PDE11A: variants seen among roughly 807,000 people sequenced by gnomAD.
PDE11A encodes phosphodiesterase 11A, also known as dual 3',5'-cyclic-AMP and -GMP phosphodiesterase 11A.
PDE11A carries 100 observed loss-of-function variants against 100.5 expected under a neutral mutation model. That is an observed-to-expected ratio of 1.00 (90% CI 0.85 to 1.18). The LOEUF is 1.18. Ranked by LOEUF, PDE11A falls within the 50% of genes most tolerant of loss-of-function variation. PDE11A has a pLI of 0.00. For missense variants in PDE11A, 1,141 were observed against 1,152.6 expected, an observed-to-expected ratio of 0.99 and a Z score of 0.15; for synonymous variants, 381 against 420.8, an observed-to-expected ratio of 0.91 and a Z score of 1.16.
chr2:177,673,543 G>A (rs79884217), intron 17 of PDE11A, among the ~76,000 whole-genome samples: 1 of 152,246 alleles, frequency 6.6e-6, no homozygotes, highest in East Asian at 1.9e-4. Context: ...GTTGGACTCT[G>A]TATTTTGGGT....
chr2:177,977,285 A>G (rs1434797565), intron 2 of PDE11A, among the ~76,000 whole-genome samples: 2 of 143,084 alleles, frequency 1.4e-5, no homozygotes, highest in African/African-American at 2.6e-5. Flanking sequence ...AAGCATTCTT[A>G]TACACCAACA....
intron 2 of PDE11A, among the ~76,000 whole-genome samples, chr2:177,967,077 C>T (rs2085707424): frequency 6.6e-6 from 1 of 151,776 alleles, no homozygotes; most frequent in Non-Finnish European, 1.5e-5. Flanking sequence ...TGGTTCATTC[C>T]TGTATGTTTC....
At chr2:177,991,468 T>C (rs2086003622) in intron 2 of PDE11A, among the ~76,000 whole-genome samples, 1 of 150,530 alleles carries the variant, frequency 6.6e-6, no homozygotes, top group African/African-American at 2.4e-5. Context: ...ACCCCATCTC[T>C]ACTAAAAATA....
At chr2:178,034,095 G>T (rs534110192) in intron 1 of PDE11A, among the ~76,000 whole-genome samples, 12 of 152,168 alleles carry the variant, frequency 7.9e-5, no homozygotes, top group African/African-American at 2.6e-4. Flanking sequence ...AAAAGACACA[G>T]ACTGGAAAAT....
chr2:177,800,234 A>T (rs372878603), intron 9 of PDE11A, among the ~76,000 whole-genome samples: 3,233 of 140,476 alleles, frequency 0.023, 129 homozygotes, highest in African/African-American at 0.083. Flanking sequence ...CTGTGGCATG[A>T]TCATAGCTCA....
chr2:177,866,350 G>A (rs897627044), intron 5 of PDE11A, among the ~76,000 whole-genome samples: 6 of 152,174 alleles, frequency 3.9e-5, no homozygotes, highest in African/African-American at 1.4e-4. Flanking sequence ...AATTCTGCTC[G>A]GGACTTCCCA....
chr2:177,636,101 A>G (rs1039522807), intron 19 of PDE11A, among the ~76,000 whole-genome samples: 1 of 152,156 alleles, frequency 6.6e-6, no homozygotes, highest in South Asian at 2.1e-4. Context: ...ATCAACAAAT[A>G]TAATTTTACT....
At chr2:177,695,685 T>C (rs2081100849) in intron 15 of PDE11A, among the ~76,000 whole-genome samples, 1 of 152,204 alleles carries the variant, frequency 6.6e-6, no homozygotes, top group East Asian at 1.9e-4. Context: ...GATACATTTC[T>C]GGCCTTCTAA....
intron 2 of PDE11A, chr2:177,922,680 C>G (rs2085070261): frequency 1.0e-6 from 1 of 984,856 alleles, no homozygotes; most frequent in African/African-American, 1.7e-5. Flanking sequence ...ACTTCCCACT[C>G]CCTCACCCCC....
chr2:177,654,239 G>A (rs1200361433), intron 19 of PDE11A, among the ~76,000 whole-genome samples: 1 of 152,240 alleles, frequency 6.6e-6, no homozygotes, highest in African/African-American at 2.4e-5. Context: ...TAATGTGAAA[G>A]TTGGATGCGG....
chr2:178,083,099 A>ATTTT (rs71870174), intron 2 of PDE11A, among the ~76,000 whole-genome samples: 7 of 138,776 alleles, frequency 5.0e-5, no homozygotes, highest in Non-Finnish European at 9.3e-5. Context: ...TAAAACTAAA[A>ATTTT]TTTTTTTTTT....
chr2:178,061,853 T>A (rs182410223), intron 1 of PDE11A, among the ~76,000 whole-genome samples: 2 of 152,320 alleles, frequency 1.3e-5, no homozygotes, highest in East Asian at 3.9e-4. Flanking sequence ...CAAAATTAGT[T>A]TTTTCTTCAA....
At chr2:177,945,230 C>T (rs1284236779) in intron 2 of PDE11A, among the ~76,000 whole-genome samples, 4 of 151,434 alleles carry the variant, frequency 2.6e-5, no homozygotes, top group Non-Finnish European at 5.9e-5. Context: ...GCAGCCTCTG[C>T]CCGGCCGCCA....
chr2:178,022,061 G>C (rs925718955), intron 1 of PDE11A, among the ~76,000 whole-genome samples: 1 of 152,106 alleles, frequency 6.6e-6, no homozygotes, highest in African/African-American at 2.4e-5. Context: ...TGATATGACT[G>C]AGTCTTCATT....
At chr2:177,868,161 T>C (rs548956699) in intron 5 of PDE11A, among the ~76,000 whole-genome samples, 180 of 152,292 alleles carry the variant, frequency 1.2e-3, no homozygotes, top group Non-Finnish European at 2.1e-3. Flanking sequence ...CAATAAGGCA[T>C]TGAAACAGAA....
chr2:177,648,215 C>T (rs16865509), intron 19 of PDE11A, among the ~76,000 whole-genome samples: 14,881 of 152,088 alleles, frequency 0.098, 912 homozygotes, highest in East Asian at 0.19. Context: ...ATTAGCTGGC[C>T]TTCTCTTTGT....
chr2:177,805,743 C>T (rs528429995), intron 9 of PDE11A, among the ~76,000 whole-genome samples: 6 of 152,190 alleles, frequency 3.9e-5, no homozygotes, highest in African/African-American at 1.2e-4. Flanking sequence ...CTGATACATT[C>T]AGATCAGTAG....
intron 4 of PDE11A, among the ~76,000 whole-genome samples, chr2:177,885,201 A>AGTGTGT (rs5836630): frequency 0.048 from 7,184 of 149,328 alleles, 179 homozygotes; most frequent in South Asian, 0.065. Flanking sequence ...TAATGATGTG[A>AGTGTGT]GTGTGTGTGT....
intron 2 of PDE11A, among the ~76,000 whole-genome samples, chr2:178,087,421 A>G (rs1375743587): frequency 6.6e-6 from 1 of 152,164 alleles, no homozygotes; most frequent in Admixed American, 6.5e-5. Context: ...CAAAAAAATC[A>G]TATCTTGTGC....
Sources: gnomAD v4.1 joint callset for allele counts (sites outside exome capture counted in the v4.1 genomes callset) on GRCh38, gnomAD v4.1.1 for gene constraint, MANE v1.5 for transcripts, NCBI Gene and HGNC (gene_info 2026-07-23, HGNC 2026-07-21) for gene names.